Variants in WWC1 observed in about 807,000 individuals in gnomAD.
WWC1 encodes WW and C2 domain containing 1, also known as protein KIBRA.
Under a neutral mutation model 138.4 loss-of-function variants are expected in WWC1, and 55 were observed. The ratio of observed to expected loss-of-function variants is 0.40; its 90% confidence interval spans 0.32 to 0.50. The LOEUF (loss-of-function observed/expected upper bound fraction) is 0.50, where lower values mean the gene tolerates loss of function less well. Ranked by LOEUF, WWC1 falls within the 20% of genes least tolerant of loss-of-function variation. WWC1 has a pLI of 0.72. For missense variants in WWC1, 1,226 were observed against 1,420.4 expected (o/e 0.86, Z 2.20); for synonymous variants, 524 against 564.9 (o/e 0.93, Z 1.03).
chr5:168,418,210 G>A (rs959141530), intron 9 of WWC1, among the ~76,000 whole-genome samples: 19 of 152,158 alleles, frequency 1.2e-4, no homozygotes, highest in East Asian at 5.8e-4. Context: ...GCCAAACCCC[G>A]CTCACAAATC....
chr5:168,321,380 A>T (rs1226381776), intron 1 of WWC1, among the ~76,000 whole-genome samples: 2 of 152,156 alleles, frequency 1.3e-5, no homozygotes, highest in Non-Finnish European at 2.9e-5. Context: ...GATCAGGTGT[A>T]CTGAGGGAGA....
intron 8 of WWC1, chr5:168,411,951 G>A: frequency 1.0e-6 from 1 of 978,736 alleles, no homozygotes; most frequent in South Asian, 4.7e-5. Flanking sequence ...AAAAGAAGAA[G>A]GAATTGAATA....
chr5:168,383,292 C>A (rs551708823), intron 2 of WWC1, among the ~76,000 whole-genome samples: 1 of 152,262 alleles, frequency 6.6e-6, no homozygotes, highest in African/African-American at 2.4e-5. Flanking sequence ...CTTTACCTGG[C>A]ACAAGTGCTT....
intron 2 of WWC1, among the ~76,000 whole-genome samples, chr5:168,377,261 C>A (rs957179903): frequency 1.3e-5 from 2 of 152,126 alleles, no homozygotes; most frequent in African/African-American, 4.8e-5. Flanking sequence ...CTACCTTTTA[C>A]CATATACAAA....
At chr5:168,347,307 A>C (rs991070875) in intron 1 of WWC1, among the ~76,000 whole-genome samples, 6 of 152,166 alleles carry the variant, frequency 3.9e-5, no homozygotes, top group African/African-American at 1.4e-4. Context: ...CTCAAGAAGG[A>C]GGCAGTTCCA....
chr5:168,366,463 CAA>C (rs1293305829), intron 1 of WWC1, among the ~76,000 whole-genome samples: 17 of 152,270 alleles, frequency 1.1e-4, no homozygotes, highest in South Asian at 2.1e-4. Flanking sequence ...ATATCAAACC[CAA>C]AGTGTTTCTC....
chr5:168,423,401 G>A, intron 10 of WWC1, 132 bp from the exon 11 acceptor site: 2 of 994,614 alleles, frequency 2.0e-6, no homozygotes, highest in South Asian at 1.7e-5. Context: ...TGAAGTGGGG[G>A]TGAAGGGTCT....
intron 15 of WWC1, among the ~76,000 whole-genome samples, 198 bp downstream of exon 15, chr5:168,431,642 A>G (rs535596689): frequency 4.6e-5 from 7 of 152,318 alleles, no homozygotes; most frequent in South Asian, 2.1e-4. Flanking sequence ...TGTTGTTCTC[A>G]GACTTAGGGT....
rs768242553 is a variant in WWC1, at chr5:168,410,013, A to G, written c.941+18A>G. On this transcript the variant is annotated intron_variant, in intron 8 of 22. Transcript: ENST00000265293. Reference sequence around the variant, plus strand: ...AAGAGAAGGTAATTGGGCTGGGGCTAGGGGCGGGATGGTTCCAAAAATAAT... The same window carrying G: ...AAGAGAAGGTAATTGGGCTGGGGCTGGGGGCGGGATGGTTCCAAAAATAAT... 17 of 1,300,436 alleles carry G rather than the reference A, an allele frequency of 1.3e-5. No homozygotes were observed. The highest frequency in any genetic ancestry group is 1.8e-5 in the Non-Finnish European group (17 of 924,248). 80.6% of individuals were successfully genotyped at this position (1,300,436 alleles called of 1,614,324 possible).
intron 6 of WWC1, among the ~76,000 whole-genome samples, chr5:168,406,944 AAAAT>A (rs199720935): frequency 4.6e-5 from 7 of 151,562 alleles, no homozygotes; most frequent in Non-Finnish European, 8.8e-5. Flanking sequence ...TCTGTCTCAA[AAAAT>A]AAATAAATAA....
At chr5:168,404,548 G>A (rs138086735) in intron 5 of WWC1, among the ~76,000 whole-genome samples, 1 of 152,312 alleles carries the variant, frequency 6.6e-6, no homozygotes, top group African/African-American at 2.4e-5. Flanking sequence ...TGGAGGCGCA[G>A]ACGATGAGGC....
intron 1 of WWC1, among the ~76,000 whole-genome samples, chr5:168,368,057 T>C (rs1776452110): frequency 6.6e-6 from 1 of 151,910 alleles, no homozygotes; most frequent in African/African-American, 2.4e-5. Flanking sequence ...ATTGAGAGCA[T>C]CTTTCATGTT....
chr5:168,294,407 AAGAT>A (rs926240972), intron 1 of WWC1, among the ~76,000 whole-genome samples: 2 of 152,170 alleles, frequency 1.3e-5, no homozygotes, highest in African/African-American at 2.4e-5. Flanking sequence ...GGAAACAAAA[AAGAT>A]AGGCAAACAA....
chr5:168,390,199 G>C (rs963998573), intron 3 of WWC1, among the ~76,000 whole-genome samples: 1 of 152,082 alleles, frequency 6.6e-6, no homozygotes, highest in Non-Finnish European at 1.5e-5. Context: ...GAGTGTTATG[G>C]GGTCTAAATT....
chr5:168,371,351 A>G, intron 1 of WWC1, 73 bp from the exon 2 acceptor site: 1 of 1,113,386 alleles, frequency 9.0e-7, no homozygotes, highest in Non-Finnish European at 1.4e-6. Flanking sequence ...AGCAGGAGGC[A>G]CAGGGAAGCA....
At chr5:168,464,460 AGAT>A (rs1243062858) in intron 20 of WWC1, among the ~76,000 whole-genome samples, 2 of 152,216 alleles carry the variant, frequency 1.3e-5, no homozygotes, top group African/African-American at 4.8e-5. Context: ...TCATCTGTGC[AGAT>A]GATAACCCTC....
chr5:168,454,636 A>C (rs1366851759), intron 18 of WWC1, among the ~76,000 whole-genome samples: 2 of 152,172 alleles, frequency 1.3e-5, no homozygotes, highest in Non-Finnish European at 2.9e-5. Flanking sequence ...GAGCTAGAGC[A>C]CCTGCCGTGT....
Position 168,307,597 on chromosome 5 carries a change from CCTTTT to C in WWC1, c.119+15327_119+15331del, listed in dbSNP as rs1475139470. Among the ~76,000 whole-genome samples the C allele has an allele frequency of 7.7e-4, 91 of 118,832 alleles. No homozygotes were observed. The East Asian group carries it at 0.016, about 20-fold the overall frequency. The allele number at this position is 118,832 out of a possible 152,430, so 78.0% of individuals were successfully genotyped here. A position where few individuals can be genotyped will look rare whatever the true frequency, so the allele number is the denominator to read the frequency against. On this transcript the variant is annotated intron_variant, in intron 1 of 22. Transcript: ENST00000265293. Reference sequence around the variant, plus strand: ...TGGCGATCAACATCTTTGATTTTACCCTTTTTTTTTTTTTTTTTTTAAATTGAGAC... The same window carrying C: ...TGGCGATCAACATCTTTGATTTTACCTTTTTTTTTTTTTTTAAATTGAGAC...
rs555399564 is a variant in WWC1 at position 168,418,900 on chromosome 5, C to A, written c.1185-3108C>A. On this transcript the variant is annotated intron_variant, in intron 9 of 22. Coordinates refer to ENST00000265293, the MANE Select transcript of WWC1 (RefSeq NM_015238.3). ...GGGTTCCATCTGCCAACCCACTGTG[C>A]ACCCCCACCCCAGCCTCAGGCAGGA... Among the ~76,000 whole-genome samples the A allele has an allele frequency of 8.9e-4, 136 of 152,284 alleles. 1 individual carries two copies. Among genetic ancestry groups the A allele is most frequent in the Middle Eastern group, 3.4e-3 (1 of 294 alleles).
Sources: gnomAD v4.1 joint callset for allele counts (sites outside exome capture counted in the v4.1 genomes callset) on GRCh38, gnomAD v4.1.1 for gene constraint, MANE v1.5 for transcripts, NCBI Gene and HGNC (gene_info 2026-07-23, HGNC 2026-07-21) for gene names.